OR10K1: variants seen among roughly 807,000 people sequenced by gnomAD.
OR10K1 encodes olfactory receptor family 10 subfamily K member 1, also known as olfactory receptor 10K1.
For missense variants in OR10K1, 404 were observed against 373.3 expected (o/e 1.08, Z -0.68); for synonymous variants, 186 against 152.5 (o/e 1.22, Z -1.62).
intron 1 of OR10K1, among the ~76,000 whole-genome samples, chr1:158,463,376 G>A (rs1474891784): frequency 6.6e-6 from 1 of 152,160 alleles, no homozygotes; most frequent in Non-Finnish European, 1.5e-5. Context: ...GCACCATGGA[G>A]CTGAATCCAT....
intron 1 of OR10K1, among the ~76,000 whole-genome samples, chr1:158,462,370 C>CCTTTCTTCCTTTCTTCCTTAT (rs1655938491): frequency 6.8e-6 from 1 of 147,910 alleles, no homozygotes; most frequent in African/African-American, 2.6e-5. Flanking sequence ...TTTTCTTTTC[C>CCTTTCTTCCTTTCTTCCTTAT]TTCCTTCCTT....
Position 158,465,695 on chromosome 1 carries a change from T to A in OR10K1, c.134T>A (p.Ile45Asn). Reference protein sequence around the residue: ...YLFTLGTNAIIISTIVLDRAL... With the variant: ...YLFTLGTNAINISTIVLDRAL... ...TTCACTCTGGGCACCAATGCAATCA[T>A]CATTTCCACCATTGTGCTGGACAGA... The change falls in exon 2 of 2, where the codon ATC (isoleucine) becomes AAC (asparagine). Residue 45 changes from isoleucine to asparagine, a missense_variant. Physicochemically the swap from Ile to Asn is moderately radical, Grantham distance 149. Coordinates refer to ENST00000641535, the MANE Select transcript of OR10K1 (RefSeq NM_001004473.2). The A allele has an allele frequency of 1.9e-6, 3 of 1,614,166 alleles. No individual in the cohort carries two copies. Among genetic ancestry groups the A allele is most frequent in the Non-Finnish European group, 2.5e-6 (3 of 1,180,010 alleles).
chr1:158,466,026 C>T lies in OR10K1; in HGVS notation c.465C>T (p.Val155=), dbSNP rs1476400224. 1 of 1,614,136 alleles carries T rather than the reference C, an allele frequency of 6.2e-7. No homozygotes were observed. The highest frequency in any genetic ancestry group is 1.7e-5 in the Admixed American group (1 of 60,020). ...MAAACACGFT[V]SLVTTSLVFH... is the part of the protein sequence containing the mutation. ...CTGCCTGTGCCTGTGGCTTCACTGT[C>T]TCCCTGGTCACCACCTCCCTAGTAT... The change falls in exon 2 of 2, where the codon GTC becomes GTT. Residue 155 remains valine, a synonymous_variant. Transcript: ENST00000641535.
At chr1:158,462,437 A>G (rs1655942792) in intron 1 of OR10K1, among the ~76,000 whole-genome samples, 2 of 109,278 alleles carry the variant, frequency 1.8e-5, no homozygotes, top group African/African-American at 6.8e-5. Context: ...TTCCTCCTCT[A>G]CTTCTCTTTT....
At chr1:158,462,992 T>A (rs963521700) in intron 1 of OR10K1, among the ~76,000 whole-genome samples, 1 of 152,172 alleles carries the variant, frequency 6.6e-6, no homozygotes, top group African/African-American at 2.4e-5. Flanking sequence ...CAAGAAAGGC[T>A]CCTAGGGGTC....
At chr1:158,462,123 T>TA (rs200047170) in intron 1 of OR10K1, among the ~76,000 whole-genome samples, 2 of 151,676 alleles carry the variant, frequency 1.3e-5, no homozygotes, top group African/African-American at 2.4e-5. Context: ...CTACTAAAAA[T>TA]AAAAAAATTA....
chr1:158,466,609 T>C lies in OR10K1; in HGVS notation c.*106T>C. On this transcript the variant is annotated 3_prime_UTR_variant, in exon 2 of 2. Transcript: ENST00000641535. ...CCAGCTCCACTGTAACATAAGAACA[T>C]TTTACATATGAGAAGAATGAGGCTC... 1.4e-6 allele frequency: 1 copy of C among 715,072 alleles called. No individual in the cohort carries two copies. Among genetic ancestry groups the C allele is most frequent in the South Asian group, 1.8e-5 (1 of 55,068 alleles). 44.3% of individuals were successfully genotyped at this position (715,072 alleles called of 1,614,324 possible). A position where few individuals can be genotyped will look rare whatever the true frequency, so the allele number is the denominator to read the frequency against.
At position 158,465,842 on chromosome 1, in the gene OR10K1, T is replaced by C. The variant is rs1656023617; in HGVS notation, c.281T>C (p.Phe94Ser). ...DLLSQKKTIS[F>S]LGCAIQMFSF... ...CTGTCCCAGAAGAAGACCATTTCTT[T>C]CCTGGGCTGTGCCATCCAAATGTTT... The change falls in exon 2 of 2, where the codon TTC becomes TCC. Residue 94 changes from phenylalanine (F) to serine (S), a missense_variant. Phe to Ser is a radical substitution (Grantham distance 155). Transcript: ENST00000641535. 1 of 1,614,216 alleles carries C rather than the reference T, an allele frequency of 6.2e-7. No homozygotes were observed. Among genetic ancestry groups the C allele is most frequent in the East Asian group, 2.2e-5 (1 of 44,894 alleles).
chr1:158,463,842 G>T (rs1251938879), intron 1 of OR10K1, among the ~76,000 whole-genome samples: 1 of 152,066 alleles, frequency 6.6e-6, no homozygotes, highest in African/African-American at 2.4e-5. Context: ...AATATCAATG[G>T]AGGTATACAT....
rs1182301981 is a variant in OR10K1, at chr1:158,467,080, GA to G, written c.*579del. The G allele has an allele frequency of 6.5e-6, 1 of 152,822 alleles. No individual in the cohort carries two copies. The highest frequency in any genetic ancestry group is 6.5e-5 in the Admixed American group (1 of 15,334). 9.5% of individuals were successfully genotyped at this position (152,822 alleles called of 1,614,324 possible). A position where few individuals can be genotyped will look rare whatever the true frequency, so the allele number is the denominator to read the frequency against. On this transcript the variant is annotated 3_prime_UTR_variant, in exon 2 of 2. Transcript: ENST00000641535. Reference sequence around the variant, plus strand: ...TTTTGTTCTTCCTTTGTTTGAGGTGGAACCACTTTATGGTTCTCTTCCTGAT... The same window carrying G: ...TTTTGTTCTTCCTTTGTTTGAGGTGGACCACTTTATGGTTCTCTTCCTGAT...
intron 1 of OR10K1, among the ~76,000 whole-genome samples, chr1:158,463,034 C>G (rs1353466548): frequency 6.6e-6 from 1 of 152,070 alleles, no homozygotes; most frequent in Non-Finnish European, 1.5e-5. Context: ...AGTCAAAATT[C>G]CTCTGTAAAA....
At position 158,466,261 on chromosome 1, in the gene OR10K1, A is replaced by C. The variant is rs199646221; in HGVS notation, c.700A>C (p.Arg234=). 1 of 1,614,148 alleles carries C rather than the reference A, an allele frequency of 6.2e-7. No homozygotes were observed. Among genetic ancestry groups the C allele is most frequent in the Non-Finnish European group, 8.5e-7 (1 of 1,180,018 alleles). ...TCTAAAAATCCCTTCCTCCGTTGGAAGATACAAGACCTTCTCCACCTGTGC... is the reference window on the plus strand; with the variant it reads ...TCTAAAAATCCCTTCCTCCGTTGGACGATACAAGACCTTCTCCACCTGTGC... ...AILKIPSSVG[R]YKTFSTCASH... The change falls in exon 2 of 2, where the codon AGA becomes CGA. Residue 234 remains arginine, a synonymous_variant. Coordinates refer to ENST00000641535, the MANE Select transcript of OR10K1 (RefSeq NM_001004473.2).
At chr1:158,464,959 T>G (rs1656003493) in intron 1 of OR10K1, among the ~76,000 whole-genome samples, 1 of 152,190 alleles carries the variant, frequency 6.6e-6, no homozygotes, top group African/African-American at 2.4e-5. Flanking sequence ...AATGTTATTT[T>G]TTGTTTCACT....
intron 1 of OR10K1, among the ~76,000 whole-genome samples, chr1:158,463,604 T>C (rs1478665632): frequency 6.6e-6 from 1 of 152,206 alleles, no homozygotes; most frequent in Non-Finnish European, 1.5e-5. Flanking sequence ...TCATATTCAG[T>C]CAAGTGAGGG....
Position 158,467,003 on chromosome 1 carries a change from A to G in OR10K1, c.*500A>G, listed in dbSNP as rs61820487. The G allele has an allele frequency of 6.7e-3, 1,039 of 154,162 alleles. 7 individuals are homozygous for G. The highest frequency in any genetic ancestry group is 9.7e-3 in the Non-Finnish European group (673 of 69,366). The allele number at this position is 154,162 out of a possible 1,614,324, so 9.5% of individuals were successfully genotyped here. ...ATCTTGGTGGTCCTTTTTGTCCCCA[A>G]TTCATTTCCTTAACCTACATATTGA... On this transcript the variant is annotated 3_prime_UTR_variant, in exon 2 of 2. Transcript: ENST00000641535.
chr1:158,466,104 C>A lies in OR10K1; in HGVS notation c.543C>A (p.Ile181=). The change falls in exon 2 of 2, where the codon ATC becomes ATA. Residue 181 remains isoleucine (I), a synonymous_variant. Transcript: ENST00000641535. ...SNQLHHFFCD[I]SPVLKLASQH... ...AGCTCCATCACTTCTTCTGTGACATCTCCCCTGTCCTTAAACTGGCATCTC... is the reference window on the plus strand; with the variant it reads ...AGCTCCATCACTTCTTCTGTGACATATCCCCTGTCCTTAAACTGGCATCTC... 3 of 1,613,962 alleles carry A rather than the reference C, an allele frequency of 1.9e-6. No individual in the cohort carries two copies. Among genetic ancestry groups the A allele is most frequent in the Non-Finnish European group, 2.5e-6 (3 of 1,179,936 alleles).
intron 1 of OR10K1, among the ~76,000 whole-genome samples, chr1:158,463,003 A>C (rs1186602793): frequency 1.3e-5 from 2 of 152,214 alleles, no homozygotes; most frequent in Non-Finnish European, 2.9e-5. Flanking sequence ...CCTAGGGGTC[A>C]TAGTACTCCG....
chr1:158,465,206 G>A (rs552070252), intron 1 of OR10K1, among the ~76,000 whole-genome samples, 200 bp from the exon 2 acceptor site: 3 of 152,184 alleles, frequency 2.0e-5, no homozygotes, highest in South Asian at 2.1e-4. Context: ...TGAAGTTAAC[G>A]TTTTCCACTT....
rs758103203 is a variant in OR10K1 at position 158,466,461 on chromosome 1, C to T, written c.900C>T (p.Ala300=). The T allele has an allele frequency of 2.0e-5, 33 of 1,613,878 alleles. No individual in the cohort carries two copies. The highest frequency in any genetic ancestry group is 2.5e-5 in the Non-Finnish European group (29 of 1,179,928). The part of the protein sequence containing the change: ...YSLRNKEFKS[A]LRRTIGQTFY... Reference sequence around the variant, plus strand: ...TGAGAAATAAGGAATTCAAATCAGCCCTACGAAGAACAATCGGCCAAACTT... The same window carrying T: ...TGAGAAATAAGGAATTCAAATCAGCTCTACGAAGAACAATCGGCCAAACTT... Residue 300 remains alanine (A), a synonymous_variant, in exon 2 of 2, where the codon GCC becomes GCT. Transcript: ENST00000641535.
Sources: allele counts gnomAD v4.1 joint callset (sites outside exome capture counted in the v4.1 genomes callset), GRCh38; gene constraint gnomAD v4.1.1; transcripts MANE v1.5; gene names NCBI Gene and HGNC (gene_info 2026-07-23, HGNC 2026-07-21).